LRRC74A: variants seen among roughly 807,000 people sequenced by gnomAD.
LRRC74A encodes leucine rich repeat containing 74A.
In LRRC74A, 44 loss-of-function variants were observed where a neutral mutation model predicts 57.9. The observed-to-expected ratio is 0.76, with a 90% CI of 0.60 to 0.98. The LOEUF is 0.98. LRRC74A is among the 50% of genes least tolerant of loss of function. LRRC74A has a pLI of 0.00. For missense variants in LRRC74A, 572 were observed against 574.0 expected (o/e 1.00, Z 0.04); for synonymous variants, 211 against 219.4 (o/e 0.96, Z 0.34).
intron 11 of LRRC74A, among the ~76,000 whole-genome samples, chr14:76,865,470 G>A (rs776068332): frequency 3.3e-5 from 5 of 152,318 alleles, no homozygotes; most frequent in Admixed American, 1.3e-4. Context: ...GCATTGAGGT[G>A]AAACTGTGAG....
chr14:76,866,201 A>G (rs1364790690), intron 12 of LRRC74A, 126 bp downstream of exon 12: 15 of 717,792 alleles, frequency 2.1e-5, no homozygotes, highest in South Asian at 3.3e-5. Context: ...TTCCTGGGAC[A>G]GGCTATGGGA....
At chr14:76,857,059 A>G (rs1897948625) in intron 9 of LRRC74A, among the ~76,000 whole-genome samples, 2 of 148,736 alleles carry the variant, frequency 1.3e-5, no homozygotes, top group South Asian at 4.4e-4. Context: ...AGGTGGATGA[A>G]TGGATGGATA....
chr14:76,832,294 TC>T (rs923458910), intron 3 of LRRC74A, among the ~76,000 whole-genome samples: 4 of 152,272 alleles, frequency 2.6e-5, no homozygotes, highest in Admixed American at 2.6e-4. Flanking sequence ...TCCATCCATT[TC>T]CCTAAGGAGT....
Position 76,870,193 on chromosome 14 carries a change from C to T in LRRC74A, c.*44C>T, listed in dbSNP as rs909233. ...AAGAAGTCTCGGCGAGAGGAGTCCT[C>T]GCAAGTCGGATGGTGGCAGGGAGGA... On this transcript the variant is annotated 3_prime_UTR_variant, in exon 14 of 14. Transcript: ENST00000689127. 12,029 of 1,593,078 alleles carry T rather than the reference C, an allele frequency of 7.6e-3. 632 individuals carry two copies. In the African/African-American group the frequency reaches 0.12, roughly 16 times the overall value.
intron 2 of LRRC74A, among the ~76,000 whole-genome samples, chr14:76,830,340 T>C (rs1276216430): frequency 6.6e-6 from 1 of 152,216 alleles, no homozygotes; most frequent in African/African-American, 2.4e-5. Flanking sequence ...TAGGCTGGAC[T>C]TGCCTAATGA....
At chr14:76,828,266 C>T in intron 1 of LRRC74A, 25 bp from the exon 2 acceptor site, 2 of 1,568,868 alleles carry the variant, frequency 1.3e-6, no homozygotes, top group Non-Finnish European at 1.7e-6. Context: ...TTCCTGGCAT[C>T]AAGGAGATGA....
intron 3 of LRRC74A, 95 bp from the exon 4 acceptor site, chr14:76,836,112 A>ACGGG: frequency 1.2e-6 from 1 of 862,004 alleles, no homozygotes. Context: ...CTGCATCTCC[A>ACGGG]CGCCCATTCA....
chr14:76,849,418 A>G lies in LRRC74A; in HGVS notation c.677-2947A>G, dbSNP rs145010635. On this transcript the variant is annotated intron_variant, in intron 7 of 13. Coordinates refer to ENST00000689127, the MANE Select transcript of LRRC74A (RefSeq NM_001385106.1). ...GTGATCCACCCTCCTCGGCCTCCCA[A>G]AGAGCTGGGATTACAGATGTGAGCC... 9.3e-3 allele frequency among the ~76,000 whole-genome samples: 1,412 copies of G among 151,946 alleles called. 82 individuals are homozygous for G. Among genetic ancestry groups the G allele is most frequent in the Admixed American group, 0.084 (1,286 of 15,256 alleles).
chr14:76,858,831 C>T (rs565850490), intron 10 of LRRC74A, among the ~76,000 whole-genome samples: 9 of 152,216 alleles, frequency 5.9e-5, no homozygotes, highest in Middle Eastern at 3.4e-3. Flanking sequence ...TCAAGTGATC[C>T]ACCCACTTCA....
intron 11 of LRRC74A, among the ~76,000 whole-genome samples, chr14:76,861,342 C>A (rs1013542001): frequency 1.3e-5 from 2 of 152,196 alleles, no homozygotes; most frequent in Non-Finnish European, 1.5e-5. Context: ...GACATCCCTG[C>A]GGTCAGGATG....
At chr14:76,863,620 TCC>T in intron 11 of LRRC74A, among the ~76,000 whole-genome samples, 1 of 152,152 alleles carries the variant, frequency 6.6e-6, no homozygotes, top group Non-Finnish European at 1.5e-5. Context: ...ACCTGTGAAC[TCC>T]TCCAGGGCAG....
chr14:76,837,853 G>A lies in LRRC74A; in HGVS notation c.448-22G>A, dbSNP rs757731659. On this transcript the variant is annotated intron_variant, in intron 4 of 13. Coordinates refer to ENST00000689127, the MANE Select transcript of LRRC74A (RefSeq NM_001385106.1). Reference sequence around the variant, plus strand: ...CCTTTGGTGAGCTTTTTTACATACCGAAGTGTTTTCTTGCCTTTTAGAATA... The same window carrying A: ...CCTTTGGTGAGCTTTTTTACATACCAAAGTGTTTTCTTGCCTTTTAGAATA... 2.9e-5 allele frequency: 43 copies of A among 1,459,382 alleles called. No homozygotes were observed. The East Asian group carries it at 4.3e-4, about 15-fold the overall frequency. 90.4% of individuals were successfully genotyped at this position (1,459,382 alleles called of 1,614,324 possible).
At chr14:76,864,434 A>AGGGGGGGGGGGGGGGGGGGGGGG (rs1566744817) in intron 11 of LRRC74A, among the ~76,000 whole-genome samples, 1 of 4,220 alleles carries the variant, frequency 2.4e-4, no homozygotes, top group African/African-American at 9.2e-4. Flanking sequence ...TGGCGGGGGG[A>AGGGGGGGGGGGGGGGGGGGGGGG]AGGGGGGTGG....
At chr14:76,864,840 C>T (rs146243728) in intron 11 of LRRC74A, among the ~76,000 whole-genome samples, 515 of 151,804 alleles carry the variant, frequency 3.4e-3, no homozygotes, top group South Asian at 7.9e-3. Context: ...GGCGACAGAG[C>T]GAGACTCTGT....
chr14:76,840,348 G>A (rs542973983), intron 5 of LRRC74A, among the ~76,000 whole-genome samples: 114 of 152,064 alleles, frequency 7.5e-4, no homozygotes, highest in African/African-American at 2.6e-3. Flanking sequence ...TTGTTGTTGT[G>A]GTTTCTACTC....
intron 9 of LRRC74A, among the ~76,000 whole-genome samples, chr14:76,856,504 CTGGATGGATGGATGGATGGATGGA>C (rs35536797): frequency 4.1e-5 from 6 of 145,672 alleles, no homozygotes; most frequent in South Asian, 4.4e-4. Flanking sequence ...TTAATATGTG[CTGGATGGATGGATGGATGGATGGA>C]TGGATGGATG....
intron 10 of LRRC74A, 78 bp downstream of exon 10, chr14:76,857,553 G>C: frequency 1.9e-6 from 2 of 1,030,218 alleles, no homozygotes; most frequent in Non-Finnish European, 2.9e-6. Context: ...GTGTTGGCCA[G>C]AGCCAACAGC....
In LRRC74A at chr14:76,831,356, C is replaced by A; in HGVS notation, c.320C>A (p.Ala107Asp). ...GGCCTGGGCCCCAGGGGTACCAAGG[C>A]TATTGCTATAGCCCTGGTGGTGAGC... is the stretch of plus-strand genomic sequence containing the variant. ...HHGLGPRGTK[A>D]IAIALVSNMA... Residue 107 changes from alanine to aspartate, a missense_variant, in exon 3 of 14, where the codon GCT (alanine) becomes GAT (aspartate). Transcript: ENST00000689127. 6.2e-7 allele frequency: 1 copy of A among 1,613,534 alleles called. No homozygotes were observed. Among genetic ancestry groups the A allele is most frequent in the Non-Finnish European group, 8.5e-7 (1 of 1,179,862 alleles).
intron 3 of LRRC74A, among the ~76,000 whole-genome samples, chr14:76,832,092 A>T (rs892155205): frequency 1.3e-5 from 2 of 152,228 alleles, no homozygotes; most frequent in Non-Finnish European, 2.9e-5. Context: ...TTTAGAGGTG[A>T]CATTTAAAAT....
Sources: gnomAD v4.1 joint callset for allele counts (sites outside exome capture counted in the v4.1 genomes callset) on GRCh38, gnomAD v4.1.1 for gene constraint, MANE v1.5 for transcripts, NCBI Gene and HGNC (gene_info 2026-07-23, HGNC 2026-07-21) for gene names.